The following COG7 variants were observed in gnomAD, a reference collection of about 807,000 sequenced individuals.
COG7 encodes the protein conserved oligomeric Golgi complex subunit 7.
COG7 carries 49 observed loss-of-function variants against 91.5 expected under a neutral mutation model. The observed-to-expected ratio is 0.54, with a 90% CI of 0.43 to 0.68. The LOEUF (loss-of-function observed/expected upper bound fraction) is 0.68, where lower values mean the gene tolerates loss of function less well. Among genes scored for constraint, COG7 ranks in the 30% least tolerant of loss-of-function variants. The pLI, the probability that COG7 is intolerant of heterozygous loss-of-function variation, is 0.00. For synonymous variants in COG7, 365 were observed against 388.7 expected (o/e 0.94, Z 0.72); for missense variants, 895 against 961.3 (o/e 0.93, Z 0.91).
chr16:23,417,229 A>G, intron 8 of COG7, 108 bp from the exon 9 acceptor site: 1 of 1,177,036 alleles, frequency 8.5e-7, no homozygotes. Flanking sequence ...CTTAATAACG[A>G]TGTCAGAAAT....
At chr16:23,419,788 C>A (rs1963723771) in intron 7 of COG7, among the ~76,000 whole-genome samples, 1 of 145,072 alleles carries the variant, frequency 6.9e-6, no homozygotes, top group South Asian at 2.2e-4. Context: ...AGAGAAAAGG[C>A]AATACAGGAA....
At chr16:23,424,517 C>A (rs1369794019) in intron 7 of COG7, among the ~76,000 whole-genome samples, 1 of 152,126 alleles carries the variant, frequency 6.6e-6, no homozygotes, top group East Asian at 1.9e-4. Flanking sequence ...TTCCCCAGAG[C>A]ATGTAAGGCA....
chr16:23,395,284 G>A (rs540655942), intron 14 of COG7, among the ~76,000 whole-genome samples: 5 of 152,248 alleles, frequency 3.3e-5, no homozygotes, highest in African/African-American at 9.6e-5. Context: ...CCCCAAGGCT[G>A]GGGGAAGAGA....
chr16:23,391,895 TG>T, intron 16 of COG7: 1 of 636,404 alleles, frequency 1.6e-6, no homozygotes, highest in Non-Finnish European at 2.1e-6. Context: ...CCTGGCCACA[TG>T]GCCTTGTTAT....
intron 11 of COG7, among the ~76,000 whole-genome samples, chr16:23,407,031 C>T (rs1963473912): frequency 1.3e-5 from 2 of 152,210 alleles, no homozygotes; most frequent in African/African-American, 4.8e-5. Context: ...TATGACACAT[C>T]CCAAATGTGG....
At chr16:23,449,772 C>T (rs1032213517) in intron 1 of COG7, among the ~76,000 whole-genome samples, 7 of 151,410 alleles carry the variant, frequency 4.6e-5, no homozygotes, top group Non-Finnish European at 8.8e-5. Context: ...AAAAAACCTC[C>T]CACCAATTTC....
intron 6 of COG7, 32 bp from the exon 7 acceptor site, chr16:23,424,979 C>T: frequency 6.4e-7 from 1 of 1,561,362 alleles, no homozygotes; most frequent in Non-Finnish European, 8.7e-7. Context: ...CCTGCCTTAG[C>T]ACATGGAGCC....
At chr16:23,401,441 G>C (rs913116694) in intron 13 of COG7, among the ~76,000 whole-genome samples, 1 of 152,198 alleles carries the variant, frequency 6.6e-6, no homozygotes, top group Non-Finnish European at 1.5e-5. Context: ...GAGGGAAAAG[G>C]ACGGGGGAAG....
chr16:23,448,275 C>G (rs1200392319), intron 1 of COG7, among the ~76,000 whole-genome samples: 1 of 152,182 alleles, frequency 6.6e-6, no homozygotes, highest in African/African-American at 2.4e-5. Flanking sequence ...TTATCTGCCT[C>G]ATCTTCAGTT....
intron 1 of COG7, among the ~76,000 whole-genome samples, chr16:23,452,143 A>G (rs547236393): frequency 1.3e-5 from 2 of 152,370 alleles, no homozygotes; most frequent in Non-Finnish European, 2.9e-5. Context: ...AACTTCTAGC[A>G]TTTAAAAAGA....
intron 1 of COG7, among the ~76,000 whole-genome samples, chr16:23,450,239 T>C (rs1964245348): frequency 6.6e-6 from 1 of 151,956 alleles, no homozygotes; most frequent in Non-Finnish European, 1.5e-5. Flanking sequence ...CCCAGCCAAT[T>C]TGCTATTATA....
chr16:23,430,145 T>C (rs1596943437), intron 6 of COG7, among the ~76,000 whole-genome samples: 1 of 152,134 alleles, frequency 6.6e-6, no homozygotes, highest in African/African-American at 2.4e-5. Flanking sequence ...TATGGCTGGG[T>C]GCAGTGGTTC....
At chr16:23,433,291 G>C (rs1166074820) in intron 6 of COG7, among the ~76,000 whole-genome samples, 7 of 152,046 alleles carry the variant, frequency 4.6e-5, no homozygotes, top group Non-Finnish European at 2.9e-5. Flanking sequence ...GGGTTTCACC[G>C]TGTTGGCCAG....
At position 23,413,794 on chromosome 16, in the gene COG7, AGAG is replaced by A. The variant is rs1963608500; in HGVS notation, c.1293-233_1293-231del. Reference sequence around the variant, plus strand: ...GAGCAGTTTCTAAAAGAGATGCCCAAGAGGAGAAGGAAGGAATAATCGTGAAGT... The same window carrying A: ...GAGCAGTTTCTAAAAGAGATGCCCAAGAGAAGGAAGGAATAATCGTGAAGT... On this transcript the variant is annotated intron_variant, in intron 9 of 16. Transcript: ENST00000307149. 4 of 469,678 alleles carry A rather than the reference AGAG, an allele frequency of 8.5e-6. No homozygotes were observed. The East Asian group carries it at 1.6e-4, about 19-fold the overall frequency. The allele number at this position is 469,678 out of a possible 1,614,324, so 29.1% of individuals were successfully genotyped here.
At chr16:23,445,552 C>T (rs1964167775) in intron 2 of COG7, among the ~76,000 whole-genome samples, 1 of 152,114 alleles carries the variant, frequency 6.6e-6, no homozygotes, top group Non-Finnish European at 1.5e-5. Context: ...ACTCAGAAGG[C>T]TGAGGCACGA....
At chr16:23,433,728 C>T in intron 5 of COG7, 61 bp from the exon 6 acceptor site, 1 of 1,598,570 alleles carries the variant, frequency 6.3e-7, no homozygotes. Flanking sequence ...CCTGTGAACA[C>T]TGCCCTGCCC....
chr16:23,449,673 G>A (rs999027079), intron 1 of COG7, among the ~76,000 whole-genome samples: 21 of 150,412 alleles, frequency 1.4e-4, no homozygotes, highest in East Asian at 5.9e-4. Context: ...CCCGAGAGGC[G>A]GAGGTTGCAG....
chr16:23,416,997 A>T lies in COG7; in HGVS notation c.1262T>A (p.Leu421Gln). Reference sequence around the variant, plus strand: ...AAAGAGGGATTTCAGGGCTGACAACAGGCCGCAGGTCCCCAGGCCATTGGT... The same window carrying T: ...AAAGAGGGATTTCAGGGCTGACAACTGGCCGCAGGTCCCCAGGCCATTGGT... The part of the protein sequence containing the change: ...RFTNGLGTCG[L>Q]LSALKSLFAK... Residue 421 changes from leucine to glutamine, a missense_variant, in exon 9 of 17, where the codon CTG becomes CAG. Coordinates refer to ENST00000307149, the MANE Select transcript of COG7 (RefSeq NM_153603.4). 1 of 1,614,228 alleles carries T rather than the reference A, an allele frequency of 6.2e-7. No homozygotes were observed. The highest frequency in any genetic ancestry group is 8.5e-7 in the Non-Finnish European group (1 of 1,180,044).
At chr16:23,419,748 C>CAAAAAA (rs60636268) in intron 7 of COG7, among the ~76,000 whole-genome samples, 4 of 55,226 alleles carry the variant, frequency 7.2e-5, no homozygotes, top group African/African-American at 1.3e-4. Flanking sequence ...GACTTCATCT[C>CAAAAAA]AAAAAAAAAA....
Sources: allele counts gnomAD v4.1 joint callset (sites outside exome capture counted in the v4.1 genomes callset), GRCh38; gene constraint gnomAD v4.1.1; transcripts MANE v1.5; gene names NCBI Gene and HGNC (gene_info 2026-07-23, HGNC 2026-07-21).